Variants in TET1 observed in about 807,000 individuals in gnomAD.
TET1 encodes tet methylcytosine dioxygenase 1.
TET1 carries 13 observed loss-of-function variants against 148.7 expected under a neutral mutation model. The observed-to-expected ratio is 0.09, with a 90% confidence interval of 0.06 to 0.14. The LOEUF (loss-of-function observed/expected upper bound fraction) is 0.14, where lower values mean the gene tolerates loss of function less well. Ranked by LOEUF, TET1 falls within the 10% of genes least tolerant of loss-of-function variation. The pLI, the probability that TET1 is intolerant of heterozygous loss-of-function variation, is 1.00. For synonymous variants in TET1, 907 were observed against 937.2 expected (o/e 0.97, Z 0.59); for missense variants, 2,182 against 2,553.8 (o/e 0.85, Z 3.14).
Position 68,573,998 on chromosome 10 carries a change from G to A in TET1, c.1660G>A (p.Val554Ile). 1 of 1,614,174 alleles carries A rather than the reference G, an allele frequency of 6.2e-7. No individual in the cohort carries two copies. ...GSSQVSVTST[V>I]HVVNTTVVTM... Reference sequence around the variant, plus strand: ...CTCCCAGGTCAGTGTAACCAGCACAGTTCATGTTGTCAACACCACAGTGGT... The same window carrying A: ...CTCCCAGGTCAGTGTAACCAGCACAATTCATGTTGTCAACACCACAGTGGT... Residue 554 changes from valine (V) to isoleucine (I), a missense_variant, in exon 2 of 12, where the codon GTT (valine) becomes ATT (isoleucine). Physicochemically the swap from Val to Ile is conservative, Grantham distance 29. Transcript: ENST00000373644.
At chr10:68,579,523 G>A (rs983942519) in intron 2 of TET1, among the ~76,000 whole-genome samples, 25 of 152,204 alleles carry the variant, frequency 1.6e-4, no homozygotes, top group South Asian at 4.1e-4. Context: ...CCAATCATGA[G>A]CATTCTAGCC....
chr10:68,592,539 T>C (rs1246010378), intron 2 of TET1, among the ~76,000 whole-genome samples: 2 of 152,168 alleles, frequency 1.3e-5, no homozygotes, highest in Admixed American at 1.3e-4. Context: ...CTGGCATCTC[T>C]TCATATGCAT....
chr10:68,654,002 G>A (rs930087397), intron 6 of TET1, among the ~76,000 whole-genome samples: 3 of 151,478 alleles, frequency 2.0e-5, no homozygotes, highest in Non-Finnish European at 4.4e-5. Context: ...AGCTACTTGG[G>A]AGGCTGAGGC....
At chr10:68,598,052 C>A (rs1050242913) in intron 2 of TET1, among the ~76,000 whole-genome samples, 2 of 152,078 alleles carry the variant, frequency 1.3e-5, no homozygotes, top group Non-Finnish European at 2.9e-5. Flanking sequence ...AGTTGCATAG[C>A]AGTTGTGAAT....
intron 3 of TET1, among the ~76,000 whole-genome samples, chr10:68,624,626 T>TTC (rs2054429972): frequency 2.7e-5 from 1 of 37,564 alleles, no homozygotes; most frequent in African/African-American, 1.7e-4. Context: ...CTTTCTTTCT[T>TTC]TCTTTCTTTC....
chr10:68,604,743 A>T (rs1290387395), intron 3 of TET1, among the ~76,000 whole-genome samples: 1 of 152,202 alleles, frequency 6.6e-6, no homozygotes, highest in African/African-American at 2.4e-5. Flanking sequence ...ACTGGGCATG[A>T]CTAGTGACCA....
chr10:68,690,343 C>T (rs1589137441), intron 11 of TET1, among the ~76,000 whole-genome samples: 1 of 152,208 alleles, frequency 6.6e-6, no homozygotes, highest in Admixed American at 6.5e-5. Context: ...CGCAGTAGCT[C>T]AAGCCTGTAA....
At chr10:68,597,714 G>A (rs754574766) in intron 2 of TET1, among the ~76,000 whole-genome samples, 13 of 152,058 alleles carry the variant, frequency 8.5e-5, no homozygotes, top group Non-Finnish European at 1.3e-4. Context: ...AACAGAATAA[G>A]GGAAAAACAA....
At chr10:68,595,947 T>TAC (rs1564958808) in intron 2 of TET1, among the ~76,000 whole-genome samples, 1 of 43,434 alleles carries the variant, frequency 2.3e-5, no homozygotes, top group African/African-American at 8.1e-5. Context: ...TATATATATA[T>TAC]ATATATATAT....
chr10:68,569,357 G>C (rs1024792396), intron 1 of TET1, among the ~76,000 whole-genome samples: 1 of 151,684 alleles, frequency 6.6e-6, no homozygotes, highest in Non-Finnish European at 1.5e-5. Context: ...TGTATTTTTA[G>C]TAGAGATGGG....
chr10:68,645,445 G>C lies in TET1; in HGVS notation c.2716G>C (p.Glu906Gln). 5.0e-6 allele frequency: 8 copies of C among 1,613,872 alleles called. No homozygotes were observed. Among genetic ancestry groups the C allele is most frequent in the Non-Finnish European group, 5.9e-6 (7 of 1,180,040 alleles). The part of the protein sequence containing the change: ...ALTQLSEAPS[E>Q]NSSPSKSEKD... ...GACTCAACTCTCAGAAGCCCCATCA[G>C]AGAATTCCTCCCCATCAAAGTCAGA... Residue 906 changes from glutamate to glutamine, a missense_variant, in exon 4 of 12, where the codon GAG becomes CAG. By Grantham distance (29) the Glu-to-Gln change is conservative (BLOSUM62 2). Around this residue, in one of 11 missense-constraint regions of TET1, gnomAD observed 582 missense variants for 599.5 expected, o/e 0.97. Transcript: ENST00000373644.
At chr10:68,644,665 G>A in intron 3 of TET1, 33 bp from the exon 4 acceptor site, 1 of 1,517,962 alleles carries the variant, frequency 6.6e-7, no homozygotes, top group South Asian at 1.4e-5. Context: ...AGATATTTAA[G>A]TAGATGACAT....
At chr10:68,669,491 T>TG (rs66533082) in intron 7 of TET1, among the ~76,000 whole-genome samples, 38 of 99,710 alleles carry the variant, frequency 3.8e-4, no homozygotes, top group Non-Finnish European at 8.1e-4. Flanking sequence ...TTTTTTTTTT[T>TG]TGTATTTTTT....
intron 5 of TET1, 42 bp downstream of exon 5, chr10:68,651,978 G>C (rs770963567): frequency 6.5e-7 from 1 of 1,527,824 alleles, no homozygotes. Flanking sequence ...TCTTACTGTG[G>C]ATCTGACTCA....
chr10:68,678,782 C>T (rs1486172650), intron 8 of TET1, among the ~76,000 whole-genome samples: 2 of 152,122 alleles, frequency 1.3e-5, no homozygotes, highest in African/African-American at 4.8e-5. Context: ...TAAAGATCTG[C>T]TAAGTAATTC....
At chr10:68,614,349 C>T (rs768992133) in intron 3 of TET1, among the ~76,000 whole-genome samples, 1 of 152,138 alleles carries the variant, frequency 6.6e-6, no homozygotes, top group Admixed American at 6.6e-5. Context: ...ATGTGCTGTT[C>T]ATGGTCAGAA....
intron 2 of TET1, 107 bp from the exon 3 acceptor site, chr10:68,600,874 T>G: frequency 1.2e-6 from 1 of 839,808 alleles, no homozygotes; most frequent in Non-Finnish European, 2.0e-6. Context: ...TTGATGATTT[T>G]AAATGGTATA....
chr10:68,576,363 A>T lies in TET1; in HGVS notation c.1914+2111A>T, dbSNP rs577487505. Among the ~76,000 whole-genome samples, 26 of 144,296 alleles carry T rather than the reference A, an allele frequency of 1.8e-4. No homozygotes were observed. In the South Asian group the frequency reaches 5.1e-3, roughly 28 times the overall value. The allele number at this position is 144,296 out of a possible 152,430, so 94.7% of individuals were successfully genotyped here. On this transcript the variant is annotated intron_variant, in intron 2 of 11. Transcript: ENST00000373644. ...GACCCTGTCTCAAAAAAAAAAAAAA[A>T]AGTATTGTGAGGTTTAGGCCAGGCA...
intron 11 of TET1, among the ~76,000 whole-genome samples, chr10:68,689,061 G>T (rs1036437263): frequency 2.0e-5 from 3 of 152,080 alleles, no homozygotes; most frequent in Non-Finnish European, 2.9e-5. Context: ...TACAATACTT[G>T]GGCCATAATG....
Sources: gnomAD v4.1 joint callset for allele counts (sites outside exome capture counted in the v4.1 genomes callset) on GRCh38, gnomAD v4.1.1 for gene constraint, gnomAD v4.1.1 regional missense constraint, MANE v1.5 for transcripts, NCBI Gene and HGNC (gene_info 2026-07-23, HGNC 2026-07-21) for gene names.